The following NRXN1 variants were observed in gnomAD, a reference collection of about 807,000 sequenced individuals.
NRXN1 encodes the protein neurexin 1.
NRXN1 carries 39 observed loss-of-function variants against 150.9 expected under a neutral mutation model. The ratio of observed to expected loss-of-function variants is 0.26; its 90% CI spans 0.20 to 0.34. NRXN1 has a LOEUF of 0.34. NRXN1 is among the 10% of genes least tolerant of loss of function. NRXN1 has a pLI of 1.00. For synonymous variants in NRXN1, 924 were observed against 757.0 expected, an observed-to-expected ratio of 1.22 and a Z score of -3.62; for missense variants, 1,815 against 1,949.9, an observed-to-expected ratio of 0.93 and a Z score of 1.30.
chr2:50,082,049 T>C (rs1359584937), intron 19 of NRXN1, among the ~76,000 whole-genome samples: 1 of 152,208 alleles, frequency 6.6e-6, no homozygotes, highest in Admixed American at 6.5e-5. Context: ...CCTAATACTC[T>C]TTAATATGTC....
At chr2:50,072,823 G>A (rs1696503328) in intron 19 of NRXN1, among the ~76,000 whole-genome samples, 1 of 152,158 alleles carries the variant, frequency 6.6e-6, no homozygotes, top group Non-Finnish European at 1.5e-5. Flanking sequence ...TGAAGGCCCA[G>A]CAAGTGGATG....
intron 5 of NRXN1, among the ~76,000 whole-genome samples, chr2:50,869,249 C>T (rs1295793148): frequency 6.6e-6 from 1 of 151,596 alleles, no homozygotes; most frequent in Non-Finnish European, 1.5e-5. Flanking sequence ...CAAACCAATT[C>T]ATTGGAATTC....
intron 5 of NRXN1, among the ~76,000 whole-genome samples, chr2:50,878,575 G>A (rs1678957086): frequency 1.3e-5 from 2 of 151,768 alleles, no homozygotes; most frequent in Admixed American, 1.3e-4. Context: ...CTAGAACCCT[G>A]GACATCAGAA....
chr2:50,896,398 T>C (rs145336011), intron 5 of NRXN1, among the ~76,000 whole-genome samples: 464 of 152,266 alleles, frequency 3.0e-3, no homozygotes, highest in Non-Finnish European at 5.2e-3. Context: ...GGGCTTATAC[T>C]CTGCAGAGAC....
At chr2:50,158,971 C>T (rs532326871) in intron 18 of NRXN1, among the ~76,000 whole-genome samples, 27 of 152,132 alleles carry the variant, frequency 1.8e-4, no homozygotes, top group South Asian at 8.3e-4. Flanking sequence ...ATTCATCACA[C>T]GCAAGGTAAC....
At chr2:50,082,230 T>G (rs910852993) in intron 19 of NRXN1, among the ~76,000 whole-genome samples, 16 of 152,226 alleles carry the variant, frequency 1.1e-4, no homozygotes, top group Admixed American at 1.0e-3. Flanking sequence ...GTATCTTTGG[T>G]GAAAAGTCCT....
At chr2:49,996,978 A>G (rs1325565312) in intron 21 of NRXN1, among the ~76,000 whole-genome samples, 2 of 152,098 alleles carry the variant, frequency 1.3e-5, no homozygotes, top group Non-Finnish European at 2.9e-5. Context: ...TACAACATTT[A>G]TGTTGTATTT....
intron 21 of NRXN1, among the ~76,000 whole-genome samples, chr2:50,040,409 G>C (rs1166313360): frequency 6.6e-6 from 1 of 151,318 alleles, no homozygotes; most frequent in Non-Finnish European, 1.5e-5. Flanking sequence ...ATTCACAGGA[G>C]AGAAAAAAGC....
intron 8 of NRXN1, among the ~76,000 whole-genome samples, chr2:50,570,134 C>A (rs1670442415): frequency 6.6e-6 from 1 of 152,134 alleles, no homozygotes; most frequent in East Asian, 1.9e-4. Flanking sequence ...TTGGAGGGAT[C>A]TATAAGAAGC....
chr2:50,244,109 T>C (rs2152889692), intron 17 of NRXN1, among the ~76,000 whole-genome samples: 1 of 152,066 alleles, frequency 6.6e-6, no homozygotes, highest in East Asian at 1.9e-4. Flanking sequence ...AAAATTGCTA[T>C]ATCTTAGAAA....
At chr2:50,560,212 T>G (rs1043337573) in intron 8 of NRXN1, among the ~76,000 whole-genome samples, 1 of 152,174 alleles carries the variant, frequency 6.6e-6, no homozygotes, top group East Asian at 1.9e-4. Context: ...CAAACACTGT[T>G]GAGCTTAACT....
In NRXN1 at chr2:50,882,462, C is replaced by A. The variant is rs138667777; in HGVS notation, c.832+39407G>T. Among the ~76,000 whole-genome samples the A allele has an allele frequency of 3.4e-3, 518 of 151,904 alleles. 3 individuals are homozygous for A. The highest frequency in any genetic ancestry group is 0.012 in the African/African-American group (500 of 41,476). ...AAGTTTCAAAGAATTTGTGTAACAGCCCAGGTGACATAGCTGGTGTACGGC... is the reference window on the plus strand; with the variant it reads ...AAGTTTCAAAGAATTTGTGTAACAGACCAGGTGACATAGCTGGTGTACGGC... On this transcript the variant is annotated intron_variant, in intron 5 of 22. Coordinates refer to ENST00000401669, the MANE Select transcript of NRXN1 (RefSeq NM_001330078.2).
At chr2:50,006,426 A>C (rs577007740) in intron 21 of NRXN1, among the ~76,000 whole-genome samples, 1 of 152,094 alleles carries the variant, frequency 6.6e-6, no homozygotes. Flanking sequence ...CTGCAGACCA[A>C]GTCCAAACTC....
intron 18 of NRXN1, among the ~76,000 whole-genome samples, chr2:50,202,085 T>C (rs1224502876): frequency 6.6e-6 from 1 of 152,224 alleles, no homozygotes; most frequent in Non-Finnish European, 1.5e-5. Flanking sequence ...AACACATTTG[T>C]TCACATGCAG....
chr2:49,933,809 AT>A (rs1255782376), intron 22 of NRXN1, among the ~76,000 whole-genome samples: 1 of 152,182 alleles, frequency 6.6e-6, no homozygotes, highest in Non-Finnish European at 1.5e-5. Context: ...TGTCCCAACA[AT>A]TATACAGTTT....
chr2:49,960,085 A>G (rs1437854546), intron 21 of NRXN1, among the ~76,000 whole-genome samples: 1 of 152,144 alleles, frequency 6.6e-6, no homozygotes, highest in Non-Finnish European at 1.5e-5. Context: ...TTGTTTCATA[A>G]TAAGCTAACT....
At chr2:50,966,379 T>A (rs992322651) in intron 2 of NRXN1, among the ~76,000 whole-genome samples, 39 of 151,448 alleles carry the variant, frequency 2.6e-4, no homozygotes, top group Admixed American at 1.6e-3. Flanking sequence ...CTACAATTAA[T>A]AGCATTCCTG....
chr2:51,014,810 C>A (rs1668419567), intron 2 of NRXN1, among the ~76,000 whole-genome samples: 1 of 151,872 alleles, frequency 6.6e-6, no homozygotes, highest in Admixed American at 6.6e-5. Context: ...GTAGAGTAGA[C>A]CAAATGAATT....
At chr2:50,172,049 A>G (rs2060063051) in intron 18 of NRXN1, among the ~76,000 whole-genome samples, 1 of 152,208 alleles carries the variant, frequency 6.6e-6, no homozygotes, top group Non-Finnish European at 1.5e-5. Flanking sequence ...GTACCTATTT[A>G]TCAATAAAAG....
Sources: gnomAD v4.1 joint callset for allele counts (sites outside exome capture counted in the v4.1 genomes callset) on GRCh38, gnomAD v4.1.1 for gene constraint, MANE v1.5 for transcripts, NCBI Gene and HGNC (gene_info 2026-07-23, HGNC 2026-07-21) for gene names.